Variants in DNAJC3 observed in about 807,000 individuals in gnomAD.
The protein encoded by DNAJC3 is dnaJ homolog subfamily C member 3.
Under a neutral mutation model 68.6 loss-of-function variants are expected in DNAJC3, and 38 were observed. The ratio of observed to expected loss-of-function variants is 0.55; its 90% confidence interval spans 0.43 to 0.73. The LOEUF is 0.73. DNAJC3 is among the 30% of genes least tolerant of loss of function. The pLI is 0.00. For missense variants in DNAJC3, 526 were observed against 591.9 expected, an observed-to-expected ratio of 0.89 and a Z score of 1.16; for synonymous variants, 203 against 204.0, an observed-to-expected ratio of 1.00 and a Z score of 0.04.
intron 2 of DNAJC3, among the ~76,000 whole-genome samples, chr13:95,716,897 G>C (rs1881168538): frequency 6.6e-6 from 1 of 152,156 alleles, no homozygotes; most frequent in Non-Finnish European, 1.5e-5. Context: ...GAAAACAGGA[G>C]TGCCTGTTCT....
intron 1 of DNAJC3, among the ~76,000 whole-genome samples, chr13:95,688,927 G>GTGTGT (rs1880141291): frequency 1.5e-5 from 2 of 129,670 alleles, no homozygotes; most frequent in Non-Finnish European, 3.3e-5. Flanking sequence ...TGATTGTGTG[G>GTGTGT]GTGTGTGTGT....
At chr13:95,769,346 C>T (rs1037879729) in intron 9 of DNAJC3, among the ~76,000 whole-genome samples, 12 of 152,098 alleles carry the variant, frequency 7.9e-5, no homozygotes, top group Admixed American at 6.5e-5. Flanking sequence ...AGGTTGTTAA[C>T]CAGGGGTTCC....
chr13:95,730,597 C>T (rs1004036693), intron 4 of DNAJC3, among the ~76,000 whole-genome samples: 1 of 152,056 alleles, frequency 6.6e-6, no homozygotes, highest in Non-Finnish European at 1.5e-5. Flanking sequence ...GTTCTCGGCC[C>T]CTTTGTTAAA....
intron 4 of DNAJC3, among the ~76,000 whole-genome samples, chr13:95,732,964 G>T (rs535146830): frequency 6.6e-6 from 1 of 152,026 alleles, no homozygotes; most frequent in African/African-American, 2.4e-5. Flanking sequence ...TCTTGGTATT[G>T]TTTTCTAGTT....
intron 4 of DNAJC3, among the ~76,000 whole-genome samples, chr13:95,747,477 C>A (rs1452884897): frequency 3.3e-5 from 5 of 152,154 alleles, no homozygotes; most frequent in Non-Finnish European, 5.9e-5. Flanking sequence ...CAGAGGCAAG[C>A]ATGTGCCTGT....
chr13:95,765,566 TG>T (rs1270271817), intron 9 of DNAJC3, among the ~76,000 whole-genome samples: 30 of 147,428 alleles, frequency 2.0e-4, no homozygotes, highest in Non-Finnish European at 2.8e-4. Flanking sequence ...ATAATTGATC[TG>T]TTTTTTTTTT....
intron 9 of DNAJC3, among the ~76,000 whole-genome samples, chr13:95,769,325 G>T (rs1336614662): frequency 6.6e-6 from 1 of 152,186 alleles, no homozygotes; most frequent in Non-Finnish European, 1.5e-5. Context: ...CATGGCTGAT[G>T]CTTTTTTTCA....
intron 4 of DNAJC3, among the ~76,000 whole-genome samples, chr13:95,749,064 G>A (rs1364712363): frequency 1.3e-5 from 2 of 152,162 alleles, no homozygotes; most frequent in Non-Finnish European, 2.9e-5. Context: ...ATTATTTTAT[G>A]TACTACTAGA....
intron 4 of DNAJC3, among the ~76,000 whole-genome samples, chr13:95,732,650 T>C (rs1368543521): frequency 2.0e-5 from 3 of 152,110 alleles, no homozygotes; most frequent in African/African-American, 7.2e-5. Flanking sequence ...ATCCCTTGCA[T>C]TGTTTTTTTA....
Position 95,791,032 on chromosome 13 carries a change from C to G in DNAJC3, c.*2C>G. 6.2e-7 allele frequency: 1 copy of G among 1,613,308 alleles called. No individual in the cohort carries two copies. ...AGATTTAAATTCCACTTCAATTAAA[C>G]CAACTGTTTTTCTGCTCTTCTTAAT... On this transcript the variant is annotated 3_prime_UTR_variant, in exon 12 of 12. Transcript: ENST00000602402.
At chr13:95,765,231 C>T (rs971565986) in intron 9 of DNAJC3, among the ~76,000 whole-genome samples, 9 of 152,068 alleles carry the variant, frequency 5.9e-5, no homozygotes, top group African/African-American at 9.7e-5. Context: ...TTAGCATACT[C>T]GTTTTCTTTC....
chr13:95,695,423 C>T (rs1182475564), intron 1 of DNAJC3: 2 of 152,198 alleles, frequency 1.3e-5, no homozygotes, highest in Non-Finnish European at 2.9e-5. Context: ...CGATCCATCC[C>T]TAATAAACTA....
intron 1 of DNAJC3, among the ~76,000 whole-genome samples, chr13:95,696,125 A>T (rs1880433408): frequency 6.6e-6 from 1 of 152,200 alleles, no homozygotes; most frequent in Non-Finnish European, 1.5e-5. Context: ...CACTCACATG[A>T]CGAAACTCGA....
At chr13:95,741,756 A>G (rs1882151571) in intron 4 of DNAJC3, among the ~76,000 whole-genome samples, 1 of 152,124 alleles carries the variant, frequency 6.6e-6, no homozygotes, top group African/African-American at 2.4e-5. Context: ...GTCCTGGTGT[A>G]TGCTACTGTG....
chr13:95,759,379 G>A (rs1882756654), intron 5 of DNAJC3, among the ~76,000 whole-genome samples: 1 of 152,140 alleles, frequency 6.6e-6, no homozygotes, highest in African/African-American at 2.4e-5. Context: ...TGGTGCGATT[G>A]TAGCTCACTG....
At chr13:95,762,666 T>C (rs755922290) in intron 7 of DNAJC3, among the ~76,000 whole-genome samples, 11 of 152,152 alleles carry the variant, frequency 7.2e-5, no homozygotes, top group Non-Finnish European at 1.2e-4. Context: ...GTTTGTTACA[T>C]AGGTAAACGT....
chr13:95,704,064 A>C (rs1880651477), intron 1 of DNAJC3, among the ~76,000 whole-genome samples: 1 of 152,180 alleles, frequency 6.6e-6, no homozygotes, highest in Non-Finnish European at 1.5e-5. Flanking sequence ...TCCAACTAGT[A>C]GATTAACCAA....
rs543408263 is a variant in DNAJC3 at position 95,792,447 on chromosome 13, G to A, written c.*1417G>A. ...TTTGAAGTGTTTTAACCATTAAAGG[G>A]TCTAATTTTTTTTTCTTAATGAAAT... On this transcript the variant is annotated 3_prime_UTR_variant, in exon 12 of 12. Coordinates refer to ENST00000602402, the MANE Select transcript of DNAJC3 (RefSeq NM_006260.5). 3.0e-4 allele frequency: 45 copies of A among 152,170 alleles called. No homozygotes were observed. The highest frequency in any genetic ancestry group is 5.6e-4 in the Non-Finnish European group (38 of 68,032). 9.4% of individuals were successfully genotyped at this position (152,170 alleles called of 1,614,324 possible).
At chr13:95,725,712 T>C (rs541095199) in intron 4 of DNAJC3, among the ~76,000 whole-genome samples, 86 of 151,788 alleles carry the variant, frequency 5.7e-4, no homozygotes, top group African/African-American at 2.0e-3. Context: ...TTAGGGTACA[T>C]GTGCACAATG....
Sources: allele counts gnomAD v4.1 joint callset (sites outside exome capture counted in the v4.1 genomes callset), GRCh38; gene constraint gnomAD v4.1.1; transcripts MANE v1.5; gene names NCBI Gene and HGNC (gene_info 2026-07-23, HGNC 2026-07-21).